GABRA3: variants seen among roughly 807,000 people sequenced by gnomAD.
GABRA3 encodes gamma-aminobutyric acid type A receptor subunit alpha3.
A neutral mutation model predicts 30.1 loss-of-function variants in GABRA3; 10 were observed. The ratio of observed to expected loss-of-function variants is 0.33; its 90% CI spans 0.20 to 0.56. GABRA3 has a LOEUF of 0.56. GABRA3 is among the 20% of genes least tolerant of loss of function. The pLI, the probability that GABRA3 is intolerant of heterozygous loss-of-function variation, is 0.89. For missense variants in GABRA3, 233 were observed against 392.0 expected, an observed-to-expected ratio of 0.59 and a Z score of 3.42; for synonymous variants, 151 against 146.8, an observed-to-expected ratio of 1.03 and a Z score of -0.21.
At chrX:152,248,502 A>G (rs760791790) in intron 5 of GABRA3, among the ~76,000 whole-genome samples, 1 of 109,235 alleles carries the variant, frequency 9.2e-6, no homozygotes, top group African/African-American at 3.3e-5. Flanking sequence ...AATAAAATTT[A>G]AAAAAAAAAG....
At position 152,290,325 on chromosome X, in the gene GABRA3, A is replaced by C. The variant is rs187666672; in HGVS notation, c.263-5590T>G. ...ATAAATGTCTTCTTTTGAGAAGTGT[A>C]TGTTCATGTCCTTCACCCACTTTTT... On this transcript the variant is annotated intron_variant, in intron 3 of 9. Coordinates refer to ENST00000370314, the MANE Select transcript of GABRA3 (RefSeq NM_000808.4). Among the ~76,000 whole-genome samples the C allele has an allele frequency of 9.3e-3, 1,042 of 111,594 alleles. 21 individuals carry two copies. The highest frequency in any genetic ancestry group is 0.032 in the African/African-American group (980 of 30,759).
chrX:152,341,127 T>G (rs2124479287), intron 3 of GABRA3, among the ~76,000 whole-genome samples: 1 of 111,442 alleles, frequency 9.0e-6, no homozygotes, highest in South Asian at 3.8e-4. Context: ...CATATAGTAT[T>G]TGGTTTTCCA....
At position 152,183,994 on chromosome X, in the gene GABRA3, C is replaced by CT. The variant is rs761953227; in HGVS notation, c.1143+5735dup. The stretch of plus-strand genomic sequence containing the variant: ...GATCTCTTACCTTTCCTTTCACATT[C>CT]TTTTTTTTCTGCTCTACTTATAGAC... On this transcript the variant is annotated intron_variant, in intron 9 of 9. Coordinates refer to ENST00000370314, the MANE Select transcript of GABRA3 (RefSeq NM_000808.4). Among the ~76,000 whole-genome samples, 519 of 110,412 alleles carry CT rather than the reference C, an allele frequency of 4.7e-3. 2 individuals are homozygous for CT. Among genetic ancestry groups the CT allele is most frequent in the Non-Finnish European group, 6.9e-3 (363 of 52,533 alleles).
intron 3 of GABRA3, among the ~76,000 whole-genome samples, chrX:152,303,487 C>T (rs1157459120): frequency 9.0e-6 from 1 of 111,600 alleles, no homozygotes; most frequent in Non-Finnish European, 1.9e-5. Context: ...GATTATAAAT[C>T]ATTCTATTAT....
At chrX:152,368,080 G>A (rs1481426924) in intron 1 of GABRA3, among the ~76,000 whole-genome samples, 1 of 111,901 alleles carries the variant, frequency 8.9e-6, no homozygotes, top group Non-Finnish European at 1.9e-5. Context: ...AGTGGGCAGA[G>A]GGAACTTTTA....
chrX:152,405,663 T>A (rs1312517285), intron 1 of GABRA3, among the ~76,000 whole-genome samples: 1 of 111,366 alleles, frequency 9.0e-6, no homozygotes, highest in Non-Finnish European at 1.9e-5. Flanking sequence ...AGCAAATTCC[T>A]GAGGCGCCTA....
intron 1 of GABRA3, among the ~76,000 whole-genome samples, chrX:152,381,684 A>G (rs1415244325): frequency 9.1e-6 from 1 of 109,765 alleles, no homozygotes; most frequent in Admixed American, 9.8e-5. Context: ...TTCTCCTAAC[A>G]CTATCCCTCC....
intron 1 of GABRA3, among the ~76,000 whole-genome samples, chrX:152,365,850 C>T (rs1053931860): frequency 1.8e-5 from 2 of 111,545 alleles, no homozygotes; most frequent in Non-Finnish European, 3.8e-5. Flanking sequence ...AAAACTACAA[C>T]AATGGAGAAG....
At chrX:152,444,745 TTTGTTTTTTTTTG>T (rs1931026750) in intron 1 of GABRA3, among the ~76,000 whole-genome samples, 1 of 52,361 alleles carries the variant, frequency 1.9e-5, no homozygotes, top group East Asian at 9.5e-4. Flanking sequence ...TTTTTTTTTT[TTTGTTTTTTTTTG>T]TTTGTTTGTT....
chrX:152,199,100 A>C (rs748595418), intron 7 of GABRA3, among the ~76,000 whole-genome samples: 3 of 109,908 alleles, frequency 2.7e-5, no homozygotes, highest in East Asian at 3.0e-4. Context: ...CGGTGGCTCA[A>C]GCCTGCCTGT....
chrX:152,332,055 A>G (rs1028818330), intron 3 of GABRA3, among the ~76,000 whole-genome samples: 1 of 111,703 alleles, frequency 9.0e-6, no homozygotes, highest in African/African-American at 3.3e-5. Context: ...TTCATTTCCT[A>G]TTTAACTTCC....
chrX:152,237,875 G>C (rs1284099957), intron 5 of GABRA3, among the ~76,000 whole-genome samples: 2 of 110,102 alleles, frequency 1.8e-5, no homozygotes, highest in East Asian at 5.8e-4. Flanking sequence ...TTGCTTATCA[G>C]CTTAAGGATA....
At chrX:152,372,367 C>T (rs1928864439) in intron 1 of GABRA3, among the ~76,000 whole-genome samples, 2 of 111,842 alleles carry the variant, frequency 1.8e-5, no homozygotes, top group South Asian at 7.5e-4. Context: ...TCCTTGAAAA[C>T]ACCCAGCCTT....
At chrX:152,284,897 G>A (rs1270776612) in intron 3 of GABRA3, among the ~76,000 whole-genome samples, 162 bp from the exon 4 acceptor site, 1 of 111,743 alleles carries the variant, frequency 8.9e-6, no homozygotes, top group Non-Finnish European at 1.9e-5. Context: ...CAGGGAACAT[G>A]CTAGGTACAG....
At chrX:152,345,783 A>T (rs1038427835) in intron 2 of GABRA3, 81 bp from the exon 3 acceptor site, 2 of 913,901 alleles carry the variant, frequency 2.2e-6, no homozygotes, top group East Asian at 3.3e-5. Flanking sequence ...GTAATTCAAG[A>T]TTTCAATTAA....
intron 1 of GABRA3, among the ~76,000 whole-genome samples, chrX:152,412,511 A>G (rs1472090572): frequency 8.9e-6 from 1 of 112,262 alleles, no homozygotes; most frequent in East Asian, 2.8e-4. Flanking sequence ...ATAAAATGGA[A>G]TATTATTTTT....
chrX:152,340,289 A>C (rs6653443), intron 3 of GABRA3, among the ~76,000 whole-genome samples: 25,203 of 111,288 alleles, frequency 0.23, 2,714 homozygotes, highest in African/African-American at 0.43. Flanking sequence ...CTTCTTTGTG[A>C]TTTCATTGAC....
intron 2 of GABRA3, among the ~76,000 whole-genome samples, chrX:152,352,109 A>G (rs1191856149): frequency 9.0e-6 from 1 of 111,506 alleles, no homozygotes; most frequent in Non-Finnish European, 1.9e-5. Flanking sequence ...AATGACCAAA[A>G]TGCGGCACAG....
At chrX:152,236,329 C>CT (rs1170406564) in intron 5 of GABRA3, among the ~76,000 whole-genome samples, 1 of 98,157 alleles carries the variant, frequency 1.0e-5, no homozygotes, top group Non-Finnish European at 2.1e-5. Flanking sequence ...TGAACTCATC[C>CT]TTTTTTATGG....
Sources: gnomAD v4.1 joint callset for allele counts (sites outside exome capture counted in the v4.1 genomes callset) on GRCh38, gnomAD v4.1.1 for gene constraint, MANE v1.5 for transcripts, NCBI Gene and HGNC (gene_info 2026-07-23, HGNC 2026-07-21) for gene names.